Variants in FOXB1 observed in about 807,000 individuals in gnomAD.
FOXB1 encodes forkhead box protein B1.
A neutral mutation model predicts 18.6 loss-of-function variants in FOXB1; 6 were observed. That is an observed-to-expected ratio of 0.32 (90% CI 0.18 to 0.64). FOXB1 has a LOEUF of 0.64. Among genes scored for constraint, FOXB1 ranks in the 30% least tolerant of loss-of-function variants. The pLI is 0.78. For missense variants in FOXB1, 419 were observed against 463.6 expected (o/e 0.90, Z 0.88); for synonymous variants, 213 against 216.0 (o/e 0.99, Z 0.12).
In FOXB1 at chr15:60,006,183, C is replaced by T. The variant is rs1383026054; in HGVS notation, c.*242C>T. The T allele has an allele frequency of 1.9e-6, 1 of 532,706 alleles. No homozygotes were observed. Among genetic ancestry groups the T allele is most frequent in the Non-Finnish European group, 3.2e-6 (1 of 311,364 alleles). The allele number at this position is 532,706 out of a possible 1,614,324, so 33.0% of individuals were successfully genotyped here. A position where few individuals can be genotyped will look rare whatever the true frequency, so the allele number is the denominator to read the frequency against. The stretch of plus-strand genomic sequence containing the variant: ...CCCCCACATCAAGGAAGGCCGGGGC[C>T]ACCTGAGCCGAACCATCCCCTCCCT... On this transcript the variant is annotated 3_prime_UTR_variant, in exon 2 of 2. Coordinates refer to ENST00000396057, the MANE Select transcript of FOXB1 (RefSeq NM_012182.3).
Position 60,005,170 on chromosome 15 carries a change from C to A in FOXB1, c.207C>A (p.Asp69Glu). The change falls in exon 2 of 2, where the codon GAC becomes GAA. Residue 69 changes from aspartate (D) to glutamate (E), a missense_variant. Asp to Glu is a conservative substitution (Grantham distance 45). Transcript: ENST00000396057. The surrounding 1 kb of genome is among the most constrained non-coding windows in gnomAD (Gnocchi z 9.8). ...TGCGCCACAACCTCTCCTTCAACGA[C>A]TGCTTCATCAAGATCCCGCGGCGGC... ...NSLRHNLSFN[D>E]CFIKIPRRPD... The A allele has an allele frequency of 6.2e-7, 1 of 1,614,252 alleles. No homozygotes were observed. Among genetic ancestry groups the A allele is most frequent in the Non-Finnish European group, 8.5e-7 (1 of 1,180,046 alleles).
chr15:60,006,226 T>G lies in FOXB1; in HGVS notation c.*285T>G. On this transcript the variant is annotated 3_prime_UTR_variant, in exon 2 of 2. Coordinates refer to ENST00000396057, the MANE Select transcript of FOXB1 (RefSeq NM_012182.3). ...CCCTCCCTGAGGCCCCGAAACCCCC[T>G]CCTATTTGACCGGCGGGGGAAACCC... The G allele has an allele frequency of 2.3e-6, 1 of 439,376 alleles. No individual in the cohort carries two copies. The highest frequency in any genetic ancestry group is 4.0e-6 in the Non-Finnish European group (1 of 251,286). The allele number at this position is 439,376 out of a possible 1,614,324, so 27.2% of individuals were successfully genotyped here.
At position 60,006,293 on chromosome 15, in the gene FOXB1, C is replaced by T. The variant is rs1892097137; in HGVS notation, c.*352C>T. 1 of 345,914 alleles carries T rather than the reference C, an allele frequency of 2.9e-6. No homozygotes were observed. The highest frequency in any genetic ancestry group is 5.2e-6 in the Non-Finnish European group (1 of 191,000). 21.4% of individuals were successfully genotyped at this position (345,914 alleles called of 1,614,324 possible). ...CCGAGAAAAGCGCGTCTTCCCTCCG[C>T]CCAGATCGGCGGAGCCCCGAACTCT... On this transcript the variant is annotated 3_prime_UTR_variant, in exon 2 of 2. Coordinates refer to ENST00000396057, the MANE Select transcript of FOXB1 (RefSeq NM_012182.3).
Position 60,005,714 on chromosome 15 carries a change from G to A in FOXB1, c.751G>A (p.Ala251Thr). 6.2e-7 allele frequency: 1 copy of A among 1,603,744 alleles called. No homozygotes were observed. Among genetic ancestry groups the A allele is most frequent in the Non-Finnish European group, 8.5e-7 (1 of 1,178,472 alleles). ...YGVPLKPLCHAAGQTLPAIPV... is the reference protein window; with the variant it reads ...YGVPLKPLCHTAGQTLPAIPV... ...CGTGCCGTTGAAGCCGCTGTGCCAC[G>A]CGGCGGGCCAAACGCTGCCCGCCAT... The change falls in exon 2 of 2, where the codon GCG becomes ACG. Residue 251 changes from alanine to threonine, a missense_variant. This residue lies in a region of FOXB1 where 195 missense variants were observed against 179.8 expected (regional missense o/e 1.08). Coordinates refer to ENST00000396057, the MANE Select transcript of FOXB1 (RefSeq NM_012182.3). The surrounding 1 kb of genome is among the most constrained non-coding windows in gnomAD (Gnocchi z 9.8).
In FOXB1 at chr15:60,005,883, C is replaced by T; in HGVS notation, c.920C>T (p.Thr307Ile). Residue 307 changes from threonine (T) to isoleucine (I), a missense_variant, in exon 2 of 2, where the codon ACC (threonine) becomes ATC (isoleucine). This residue lies in a region of FOXB1 where 195 missense variants were observed against 179.8 expected (regional missense o/e 1.08). Transcript: ENST00000396057. This position sits in a 1 kb window ranked among gnomAD's most constrained non-coding sequence, Gnocchi z 9.8. ...QTATSQSSPA[T>I]PSETLTSPAS... is the part of the protein sequence containing the mutation. ...GCCACCAGCCAAAGCAGCCCCGCCA[C>T]CCCCAGCGAAACGCTCACCAGCCCG... 1 of 1,598,116 alleles carries T rather than the reference C, an allele frequency of 6.3e-7. No individual in the cohort carries two copies.
chr15:60,004,872 A>AT, intron 1 of FOXB1, 35 bp from the exon 2 acceptor site: 1 of 1,210,628 alleles, frequency 8.3e-7, no homozygotes, highest in Admixed American at 3.0e-5. Flanking sequence ...CTGTGCATCC[A>AT]TGCTACCTTT....
In FOXB1 at chr15:60,005,786, G is replaced by A. The variant is rs1403577660; in HGVS notation, c.823G>A (p.Ala275Thr). The change falls in exon 2 of 2, where the codon GCG becomes ACG. Residue 275 changes from alanine to threonine, a missense_variant. Physicochemically the swap from Ala to Thr is moderately conservative, Grantham distance 58. This residue lies in a region of FOXB1 where 195 missense variants were observed against 179.8 expected (regional missense o/e 1.08). Coordinates refer to ENST00000396057, the MANE Select transcript of FOXB1 (RefSeq NM_012182.3). This position sits in a 1 kb window ranked among gnomAD's most constrained non-coding sequence, Gnocchi z 9.8. ...PTPAAVPALPALPAPIPTLLS... is the reference protein window; with the variant it reads ...PTPAAVPALPTLPAPIPTLLS... ...GCCGGCCGCCGTGCCCGCGCTGCCT[G>A]CGCTGCCAGCGCCCATCCCCACCTT... 6.2e-7 allele frequency: 1 copy of A among 1,603,694 alleles called. No homozygotes were observed. Among genetic ancestry groups the A allele is most frequent in the East Asian group, 2.2e-5 (1 of 44,622 alleles).
chr15:60,005,042 C>T lies in FOXB1; in HGVS notation c.79C>T (p.Gln27Ter). Residue 27 changes from glutamine (Q) to a stop codon, truncating the protein, a stop_gained, in exon 2 of 2, where the codon CAG becomes TAG. Coordinates refer to ENST00000396057, the MANE Select transcript of FOXB1 (RefSeq NM_012182.3). LOFTEE classifies it high-confidence loss of function. The surrounding 1 kb of genome is among the most constrained non-coding windows in gnomAD (Gnocchi z 9.8). ...CATCTCGCTGACCGCTATGGCCATC[C>T]AGAGCTCTCCCGAGAAGATGCTGCC... Reference protein sequence around the residue: ...SYISLTAMAIQSSPEKMLPLS... With the variant: ...SYISLTAMAI 1 of 1,614,150 alleles carries T rather than the reference C, an allele frequency of 6.2e-7. No homozygotes were observed. Among genetic ancestry groups the T allele is most frequent in the Non-Finnish European group, 8.5e-7 (1 of 1,180,028 alleles).
Position 60,005,865 on chromosome 15 carries a change from G to A in FOXB1, c.902G>A (p.Ser301Asn). 1 of 1,598,420 alleles carries A rather than the reference G, an allele frequency of 6.3e-7. No individual in the cohort carries two copies. The highest frequency in any genetic ancestry group is 2.3e-5 in the East Asian group (1 of 43,906). Residue 301 changes from serine (S) to asparagine (N), a missense_variant, in exon 2 of 2, where the codon AGC (serine) becomes AAC (asparagine). Coordinates refer to ENST00000396057, the MANE Select transcript of FOXB1 (RefSeq NM_012182.3). This position sits in a 1 kb window ranked among gnomAD's most constrained non-coding sequence, Gnocchi z 9.8. ...CCCACGTCCTCGCAAACAGCCACCA[G>A]CCAAAGCAGCCCCGCCACCCCCAGC... is the stretch of plus-strand genomic sequence containing the variant. ...LSPTSSQTAT[S>N]QSSPATPSET...
chr15:60,005,600 A>C lies in FOXB1; in HGVS notation c.637A>C (p.Thr213Pro). 6.2e-7 allele frequency: 1 copy of C among 1,606,644 alleles called. No individual in the cohort carries two copies. The highest frequency in any genetic ancestry group is 8.5e-7 in the Non-Finnish European group (1 of 1,177,620). ...GACTACCATGGGCAGCTCGCTGGGC[A>C]CCGGCTGGCCACACGTGTATGGCTC... is the stretch of plus-strand genomic sequence containing the variant. ...QLTTMGSSLG[T>P]GWPHVYGSAG... The change falls in exon 2 of 2, where the codon ACC becomes CCC. Residue 213 changes from threonine (T) to proline (P), a missense_variant. This residue lies in a region of FOXB1 where 195 missense variants were observed against 179.8 expected (regional missense o/e 1.08). Coordinates refer to ENST00000396057, the MANE Select transcript of FOXB1 (RefSeq NM_012182.3). This position sits in a 1 kb window ranked among gnomAD's most constrained non-coding sequence, Gnocchi z 9.8.
Position 60,005,046 on chromosome 15 carries a change from G to C in FOXB1, c.83G>C (p.Ser28Thr). 2 of 1,614,102 alleles carry C rather than the reference G, an allele frequency of 1.2e-6. No individual in the cohort carries two copies. The highest frequency in any genetic ancestry group is 8.5e-7 in the Non-Finnish European group (1 of 1,180,012). ...TCGCTGACCGCTATGGCCATCCAGA[G>C]CTCTCCCGAGAAGATGCTGCCGCTG... The part of the protein sequence containing the change: ...YISLTAMAIQ[S>T]SPEKMLPLSE... The change falls in exon 2 of 2, where the codon AGC becomes ACC. Residue 28 changes from serine to threonine, a missense_variant. Physicochemically the swap from Ser to Thr is moderately conservative, Grantham distance 58 (BLOSUM62 1). Around this residue, in one of 3 missense-constraint regions of FOXB1, gnomAD observed 153 missense variants for 173.8 expected, o/e 0.88. Coordinates refer to ENST00000396057, the MANE Select transcript of FOXB1 (RefSeq NM_012182.3). The surrounding 1 kb of genome is among the most constrained non-coding windows in gnomAD (Gnocchi z 9.8).
chr15:60,005,463 A>G lies in FOXB1; in HGVS notation c.500A>G (p.Lys167Arg), dbSNP rs1892081742. ...LGGVAQPSGF[K>R]HPFAIENIIA... ...GGCGTGGCGCAGCCCTCGGGCTTCAAGCACCCCTTCGCCATCGAGAACATC... is the reference window on the plus strand; with the variant it reads ...GGCGTGGCGCAGCCCTCGGGCTTCAGGCACCCCTTCGCCATCGAGAACATC... Residue 167 changes from lysine to arginine, a missense_variant, in exon 2 of 2, where the codon AAG becomes AGG. This residue lies in a region of FOXB1 where 71 missense variants were observed against 110.0 expected (regional missense o/e 0.65). Transcript: ENST00000396057. The surrounding 1 kb of genome is among the most constrained non-coding windows in gnomAD (Gnocchi z 9.8). The G allele has an allele frequency of 4.3e-6, 7 of 1,611,866 alleles. No individual in the cohort carries two copies. The highest frequency in any genetic ancestry group is 2.2e-5 in the East Asian group (1 of 44,836).
Position 60,005,038 on chromosome 15 carries a change from C to G in FOXB1, c.75C>G (p.Ala25=), listed in dbSNP as rs764979771. The G allele has an allele frequency of 6.2e-7, 1 of 1,614,164 alleles. No individual in the cohort carries two copies. The highest frequency in any genetic ancestry group is 8.5e-7 in the Non-Finnish European group (1 of 1,180,026). ...CGTACATCTCGCTGACCGCTATGGC[C>G]ATCCAGAGCTCTCCCGAGAAGATGC... The part of the protein sequence containing the change: ...PYSYISLTAM[A]IQSSPEKMLP... Residue 25 remains alanine (A), a synonymous_variant, in exon 2 of 2, where the codon GCC becomes GCG. Coordinates refer to ENST00000396057, the MANE Select transcript of FOXB1 (RefSeq NM_012182.3). This position sits in a 1 kb window ranked among gnomAD's most constrained non-coding sequence, Gnocchi z 9.8.
Position 60,005,456 on chromosome 15 carries a change from G to A in FOXB1, c.493G>A (p.Gly165Ser). 1 of 1,611,670 alleles carries A rather than the reference G, an allele frequency of 6.2e-7. No individual in the cohort carries two copies. Among genetic ancestry groups the A allele is most frequent in the African/African-American group, 1.3e-5 (1 of 75,032 alleles). Residue 165 changes from glycine (G) to serine (S), a missense_variant, in exon 2 of 2, where the codon GGC becomes AGC. Around this residue, in one of 3 missense-constraint regions of FOXB1, gnomAD observed 71 missense variants for 110.0 expected, o/e 0.65. Coordinates refer to ENST00000396057, the MANE Select transcript of FOXB1 (RefSeq NM_012182.3). This position sits in a 1 kb window ranked among gnomAD's most constrained non-coding sequence, Gnocchi z 9.8. The stretch of plus-strand genomic sequence containing the variant: ...CTTGGGCGGCGTGGCGCAGCCCTCG[G>A]GCTTCAAGCACCCCTTCGCCATCGA... ...YNLGGVAQPS[G>S]FKHPFAIENI...
rs2142156650 is a variant in FOXB1, at chr15:60,005,984, C to G, written c.*43C>G. ...CCCCTCTCGTTCTCCTCCCCACCAC[C>G]TCACTCGCCTTCCCTGGCTCCCAGT... On this transcript the variant is annotated 3_prime_UTR_variant, in exon 2 of 2. Transcript: ENST00000396057. This position sits in a 1 kb window ranked among gnomAD's most constrained non-coding sequence, Gnocchi z 9.8. 1 of 1,519,972 alleles carries G rather than the reference C, an allele frequency of 6.6e-7. No individual in the cohort carries two copies. Among genetic ancestry groups the G allele is most frequent in the East Asian group, 2.5e-5 (1 of 40,750 alleles). 94.2% of individuals were successfully genotyped at this position (1,519,972 alleles called of 1,614,324 possible).
Position 60,005,312 on chromosome 15 carries a change from C to G in FOXB1, c.349C>G (p.Leu117Val). 6.2e-7 allele frequency: 1 copy of G among 1,611,770 alleles called. No homozygotes were observed. The highest frequency in any genetic ancestry group is 8.5e-7 in the Non-Finnish European group (1 of 1,179,686). The change falls in exon 2 of 2, where the codon CTG (leucine) becomes GTG (valine). Residue 117 changes from leucine (L) to valine (V), a missense_variant. Coordinates refer to ENST00000396057, the MANE Select transcript of FOXB1 (RefSeq NM_012182.3). The surrounding 1 kb of genome is among the most constrained non-coding windows in gnomAD (Gnocchi z 9.8). The stretch of plus-strand genomic sequence containing the variant: ...CTTCAAGGTGCTTAAGTCCGACCAC[C>G]TGGCGCCCAGCAAGCCAGCCGACGC... ...KRFKVLKSDH[L>V]APSKPADAAQ...
At position 60,005,839 on chromosome 15, in the gene FOXB1, C is replaced by T. The variant is rs1455647328; in HGVS notation, c.876C>T (p.Ser292=). 6.2e-7 allele frequency: 1 copy of T among 1,603,874 alleles called. No individual in the cohort carries two copies. ...TCTCGAACTCGCCGCCCTCGCTCAGCCCCACGTCCTCGCAAACAGCCACCA... is the reference window on the plus strand; with the variant it reads ...TCTCGAACTCGCCGCCCTCGCTCAGTCCCACGTCCTCGCAAACAGCCACCA... ...TLLSNSPPSL[S]PTSSQTATSQ... is the part of the protein sequence containing the mutation. The change falls in exon 2 of 2, where the codon AGC becomes AGT. Residue 292 remains serine, a synonymous_variant. Transcript: ENST00000396057. The surrounding 1 kb of genome is among the most constrained non-coding windows in gnomAD (Gnocchi z 9.8).
intron 1 of FOXB1, 67 bp from the exon 2 acceptor site, chr15:60,004,840 C>G (rs1892071237): frequency 1.2e-5 from 5 of 426,904 alleles, no homozygotes; most frequent in Non-Finnish European, 1.9e-5. Context: ...GTTACTCGGT[C>G]TGGCTGACCC....
Position 60,004,993 on chromosome 15 carries a change from C to T in FOXB1, c.30C>T (p.Ser10=). 1.9e-6 allele frequency: 3 copies of T among 1,613,522 alleles called. No homozygotes were observed. The highest frequency in any genetic ancestry group is 1.3e-5 in the African/African-American group (1 of 74,998). Residue 10 remains serine (S), a synonymous_variant, in exon 2 of 2, where the codon AGC becomes AGT. Transcript: ENST00000396057. MPRPGRNTY[S]DQKPPYSYIS... is the part of the protein sequence containing the mutation. ...CTCGGCCCGGCCGCAACACGTACAG[C>T]GACCAGAAGCCGCCCTACTCGTACA...
Sources: allele counts gnomAD v4.1 joint callset, GRCh38; gene constraint gnomAD v4.1.1; regional missense constraint gnomAD v4.1.1; non-coding constraint Gnocchi (gnomAD v3.1); transcripts MANE v1.5; gene names NCBI Gene and HGNC (gene_info 2026-07-23, HGNC 2026-07-21).